The following MEST variants were observed in gnomAD, a reference collection of about 807,000 sequenced individuals.
MEST encodes mesoderm specific transcript.
MEST carries 18 observed loss-of-function variants against 50.9 expected under a neutral mutation model. The ratio of observed to expected loss-of-function variants is 0.35; its 90% CI spans 0.24 to 0.52. The LOEUF is 0.52. Among genes scored for constraint, MEST ranks in the 20% least tolerant of loss-of-function variants. MEST has a pLI of 0.94. For synonymous variants in MEST, 130 were observed against 154.1 expected, an observed-to-expected ratio of 0.84 and a Z score of 1.16; for missense variants, 282 against 425.3, an observed-to-expected ratio of 0.66 and a Z score of 2.96.
chr7:130,490,076 T>A (rs1798740646), upstream of MEST: 1 of 152,212 alleles, frequency 6.6e-6, no homozygotes, highest in African/African-American at 2.4e-5. Context: ...ATTATTAAAA[T>A]AGGAAAGCCT....
chr7:130,497,691 A>C lies in MEST; in HGVS notation c.262-245A>C. On this transcript the variant is annotated intron_variant, in intron 3 of 11. Coordinates refer to ENST00000223215, the MANE Select transcript of MEST (RefSeq NM_002402.4). This position sits in a 1 kb window ranked among gnomAD's most constrained non-coding sequence, Gnocchi z 4.0. Reference sequence around the variant, plus strand: ...AACTGTTCCTTATTTACTGAAGGGAATAAACAACTCCTTGGCACTCTGGAA... The same window carrying C: ...AACTGTTCCTTATTTACTGAAGGGACTAAACAACTCCTTGGCACTCTGGAA... 1 of 546,078 alleles carries C rather than the reference A, an allele frequency of 1.8e-6. No individual in the cohort carries two copies. Among genetic ancestry groups the C allele is most frequent in the Non-Finnish European group, 3.3e-6 (1 of 305,194 alleles). 33.8% of individuals were successfully genotyped at this position (546,078 alleles called of 1,614,324 possible).
At chr7:130,493,479 A>G (rs146878850) in intron 1 of MEST, among the ~76,000 whole-genome samples, 1 of 152,292 alleles carries the variant, frequency 6.6e-6, no homozygotes, top group East Asian at 1.9e-4. Flanking sequence ...TAAAAATCCT[A>G]AAAGTTCATG....
chr7:130,497,308 G>C lies in MEST; in HGVS notation c.261+73G>C. ...GCCGGGCGCGGGGGCTCAAATCCTA[G>C]CACTTTGGGAGGCTGAGGTGGGAGG... On this transcript the variant is annotated intron_variant, in intron 3 of 11. Coordinates refer to ENST00000223215, the MANE Select transcript of MEST (RefSeq NM_002402.4). The surrounding 1 kb of genome is among the most constrained non-coding windows in gnomAD (Gnocchi z 4.0). The C allele has an allele frequency of 7.7e-7, 1 of 1,297,296 alleles. No homozygotes were observed. The highest frequency in any genetic ancestry group is 1.1e-6 in the Non-Finnish European group (1 of 919,912). The allele number at this position is 1,297,296 out of a possible 1,614,324, so 80.4% of individuals were successfully genotyped here. A position where few individuals can be genotyped will look rare whatever the true frequency, so the allele number is the denominator to read the frequency against.
chr7:130,498,483 T>G lies in MEST; in HGVS notation c.535+6T>G. Reference sequence around the variant, plus strand: ...TCTCTGTCTGTCAAATGGAGGTAATTGCCTTGGCGGTAGGTAGAAAGTGGG... The same window carrying G: ...TCTCTGTCTGTCAAATGGAGGTAATGGCCTTGGCGGTAGGTAGAAAGTGGG... On this transcript the variant is annotated splice_donor_region_variant and intron_variant, in intron 6 of 11. Coordinates refer to ENST00000223215, the MANE Select transcript of MEST (RefSeq NM_002402.4). 6.2e-7 allele frequency: 1 copy of G among 1,614,044 alleles called. No individual in the cohort carries two copies. Among genetic ancestry groups the G allele is most frequent in the Non-Finnish European group, 8.5e-7 (1 of 1,179,944 alleles).
Position 130,497,478 on chromosome 7 carries a change from AC to A in MEST, c.261+246del, listed in dbSNP as rs1203954195. 1.0e-5 allele frequency: 3 copies of A among 287,098 alleles called. No homozygotes were observed. Among genetic ancestry groups the A allele is most frequent in the Admixed American group, 9.9e-5 (2 of 20,258 alleles). 17.8% of individuals were successfully genotyped at this position (287,098 alleles called of 1,614,324 possible). ...AGGCTGAGGCAGGAGAATCGCTTGA[AC>A]CCGGGAGGCAGAGGTTGCAGTGAGC... On this transcript the variant is annotated intron_variant, in intron 3 of 11. Coordinates refer to ENST00000223215, the MANE Select transcript of MEST (RefSeq NM_002402.4). The surrounding 1 kb of genome is among the most constrained non-coding windows in gnomAD (Gnocchi z 4.0).
chr7:130,502,039 G>A lies in MEST; in HGVS notation c.750-605G>A, dbSNP rs190712300. On this transcript the variant is annotated intron_variant, in intron 9 of 11. Transcript: ENST00000223215. ...AGTAGATGTCAACACAGAAGATCAT[G>A]TGTTACAATCCTCTTATTTTAAAAA... is the stretch of plus-strand genomic sequence containing the variant. Among the ~76,000 whole-genome samples, 202 of 151,822 alleles carry A rather than the reference G, an allele frequency of 1.3e-3. 2 individuals carry two copies. The highest frequency in any genetic ancestry group is 2.5e-3 in the Non-Finnish European group (173 of 67,958).
chr7:130,498,815 T>C (rs1799168104), intron 6 of MEST: 1 of 394,524 alleles, frequency 2.5e-6, no homozygotes, highest in African/African-American at 2.1e-5. Context: ...TCAGAAGGAG[T>C]GAGGAGTGTA....
Position 130,504,015 on chromosome 7 carries a change from A to C in MEST, c.890+19A>C, listed in dbSNP as rs782579535. 4.4e-6 allele frequency: 7 copies of C among 1,602,224 alleles called. No homozygotes were observed. In the African/African-American group the frequency reaches 8.0e-5, roughly 18 times the overall value. ...TGTACAGGTGAGTCTCCCCGAGAGAAGTCTATGTTTTGTTAGTATCTCATC... is the reference window on the plus strand; with the variant it reads ...TGTACAGGTGAGTCTCCCCGAGAGACGTCTATGTTTTGTTAGTATCTCATC... On this transcript the variant is annotated intron_variant, in intron 11 of 11. Coordinates refer to ENST00000223215, the MANE Select transcript of MEST (RefSeq NM_002402.4).
intron 1 of MEST, chr7:130,494,756 T>G: frequency 1.2e-6 from 1 of 814,364 alleles, no homozygotes; most frequent in South Asian, 5.6e-5. Context: ...CTGAGCAGTT[T>G]CTCAGCCCAA....
In MEST at chr7:130,505,291, G is replaced by T; in HGVS notation, c.*235G>T. 1 of 358,302 alleles carries T rather than the reference G, an allele frequency of 2.8e-6. No homozygotes were observed. Among genetic ancestry groups the T allele is most frequent in the African/African-American group, 2.0e-5 (1 of 49,300 alleles). 22.2% of individuals were successfully genotyped at this position (358,302 alleles called of 1,614,324 possible). ...GATATCTGATCAAATGTATAGACTT[G>T]GCTTTGTTTTTTGTGCTATTAGGAA... On this transcript the variant is annotated 3_prime_UTR_variant, in exon 12 of 12. Transcript: ENST00000223215.
chr7:130,494,869 A>T, intron 1 of MEST: 2 of 976,310 alleles, frequency 2.0e-6, no homozygotes, highest in Non-Finnish European at 2.4e-6. Flanking sequence ...ACACACACAC[A>T]CTCTTTAAAA....
Position 130,500,977 on chromosome 7 carries a change from C to G in MEST, c.749+87C>G. The G allele has an allele frequency of 1.7e-6, 2 of 1,156,746 alleles. No homozygotes were observed. Among genetic ancestry groups the G allele is most frequent in the South Asian group, 1.5e-5 (1 of 67,822 alleles). 71.7% of individuals were successfully genotyped at this position (1,156,746 alleles called of 1,614,324 possible). A position where few individuals can be genotyped will look rare whatever the true frequency, so the allele number is the denominator to read the frequency against. On this transcript the variant is annotated intron_variant, in intron 9 of 11. Transcript: ENST00000223215. This position sits in a 1 kb window ranked among gnomAD's most constrained non-coding sequence, Gnocchi z 5.0. ...TTGTTCTGTTCCTTGCTGGCTTATT[C>G]CCTATCACAGGAAGGCTGATGATGA... is the stretch of plus-strand genomic sequence containing the variant.
chr7:130,498,861 G>C (rs1799170483), intron 6 of MEST: 1 of 255,488 alleles, frequency 3.9e-6, no homozygotes, highest in African/African-American at 2.3e-5. Flanking sequence ...ACTGCAATAG[G>C]TTATGAGAGT....
At chr7:130,496,003 G>C in intron 2 of MEST, 1 of 438,228 alleles carries the variant, frequency 2.3e-6, no homozygotes, top group Non-Finnish European at 4.6e-6. Flanking sequence ...CAGGCACTGA[G>C]TTATGTTTTC....
At chr7:130,490,588 G>A (rs1798765580), upstream of MEST, among the ~76,000 whole-genome samples, 2 of 152,308 alleles carry the variant, frequency 1.3e-5, no homozygotes, top group South Asian at 4.1e-4. Flanking sequence ...CTTGGGCTCT[G>A]CCTCTGAGGG....
At chr7:130,502,579 G>A in intron 9 of MEST, 65 bp from the exon 10 acceptor site, 1 of 1,208,712 alleles carries the variant, frequency 8.3e-7, no homozygotes. Context: ...GGCTCGTTAT[G>A]CCCTTGAATC....
chr7:130,498,755 T>G, intron 6 of MEST: 1 of 526,680 alleles, frequency 1.9e-6, no homozygotes, highest in Non-Finnish European at 3.4e-6. Flanking sequence ...CATGTGCTTT[T>G]TCAATGCATT....
chr7:130,495,553 G>C, intron 2 of MEST, 31 bp downstream of exon 2: 1 of 1,603,826 alleles, frequency 6.2e-7, no homozygotes. Flanking sequence ...AGTCCTGCGT[G>C]TATCGGTCAC....
upstream of MEST, chr7:130,491,633 G>A (rs575735458): frequency 1.1e-4 from 17 of 152,486 alleles, no homozygotes; most frequent in African/African-American, 3.8e-4. The surrounding 1 kb of genome is among the most constrained non-coding windows in gnomAD (Gnocchi z 6.8). Flanking sequence ...ATGGGAGCAG[G>A]CGCCACGGCC....
Sources: gnomAD v4.1 joint callset for allele counts (sites outside exome capture counted in the v4.1 genomes callset) on GRCh38, gnomAD v4.1.1 for gene constraint, Gnocchi (gnomAD v3.1) non-coding constraint, MANE v1.5 for transcripts, NCBI Gene and HGNC (gene_info 2026-07-23, HGNC 2026-07-21) for gene names.